NRG2: variants seen among roughly 807,000 people sequenced by gnomAD.
The protein encoded by NRG2 is pro-neuregulin-2, membrane-bound isoform.
Under a neutral mutation model 73.9 loss-of-function variants are expected in NRG2, and 27 were observed. The ratio of observed to expected loss-of-function variants is 0.37; its 90% confidence interval spans 0.27 to 0.50. The LOEUF (loss-of-function observed/expected upper bound fraction) is 0.50. NRG2 is among the 20% of genes least tolerant of loss of function. NRG2 has a pLI of 0.96. For synonymous variants in NRG2, 532 were observed against 541.0 expected (o/e 0.98, Z 0.23); for missense variants, 1,126 against 1,210.1 (o/e 0.93, Z 1.03).
chr5:139,852,847 T>C lies in NRG2; in HGVS notation c.1416+57A>G. On this transcript the variant is annotated intron_variant, in intron 7 of 9. Transcript: ENST00000361474. This position sits in a 1 kb window ranked among gnomAD's most constrained non-coding sequence, Gnocchi z 4.4. ...CCCTGGCCCATCCTTGCAGGGGGCA[T>C]GAGAAGGCTGGCTGTCCACTGAGGG... 2 of 1,606,788 alleles carry C rather than the reference T, an allele frequency of 1.2e-6. No homozygotes were observed. Among genetic ancestry groups the C allele is most frequent in the African/African-American group, 1.3e-5 (1 of 74,628 alleles).
rs753814626 is a variant in NRG2 at position 139,848,482 on chromosome 5, C to T, written c.1988G>A (p.Gly663Glu). ...PPGPGPGPGP[G>E]PGPGADMQRS... ...CTGCATGTCTGCGCCGGGCCCGGGC[C>T]CGGGCCCGGGTCCGGGTCCCGGGCC... The change falls in exon 10 of 10, where the codon GGG becomes GAG. Residue 663 changes from glycine (G) to glutamate (E), a missense_variant. This residue lies in a region of NRG2 where 402 missense variants were observed against 357.8 expected (regional missense o/e 1.12). Transcript: ENST00000361474. 1.9e-5 allele frequency: 26 copies of T among 1,340,398 alleles called. No individual in the cohort carries two copies. The highest frequency in any genetic ancestry group is 2.7e-4 in the Middle Eastern group (1 of 3,670). 83.0% of individuals were successfully genotyped at this position (1,340,398 alleles called of 1,614,324 possible).
At chr5:139,953,223 G>A (rs79857255) in intron 1 of NRG2, among the ~76,000 whole-genome samples, 8,779 of 152,202 alleles carry the variant, frequency 0.058, 343 homozygotes, top group Non-Finnish European at 0.086. Context: ...GCCCTGCAGA[G>A]AGAGCTACTG....
intron 5 of NRG2, among the ~76,000 whole-genome samples, chr5:139,864,756 G>GCACACA (rs111734532): frequency 1.3e-5 from 2 of 148,778 alleles, no homozygotes; most frequent in Non-Finnish European, 3.0e-5. Context: ...AAACACGTCG[G>GCACACA]CACACACACA....
chr5:139,944,974 G>C (rs1279816310), intron 1 of NRG2, among the ~76,000 whole-genome samples: 2 of 152,088 alleles, frequency 1.3e-5, no homozygotes, highest in African/African-American at 4.8e-5. Flanking sequence ...ACCTCATTGT[G>C]GTTTTGATTT....
intron 1 of NRG2, among the ~76,000 whole-genome samples, chr5:139,914,060 G>A (rs916678941): frequency 2.0e-5 from 3 of 152,192 alleles, no homozygotes; most frequent in Admixed American, 6.5e-5. Flanking sequence ...AGGCTGAGAG[G>A]TGGGAGAATT....
chr5:139,890,620 C>G (rs1764160062), intron 1 of NRG2, among the ~76,000 whole-genome samples: 1 of 152,148 alleles, frequency 6.6e-6, no homozygotes, highest in African/African-American at 2.4e-5. Flanking sequence ...CCTGCATCTG[C>G]TCTGGAGTCC....
At chr5:140,009,650 C>T (rs995860817) in intron 1 of NRG2, among the ~76,000 whole-genome samples, 3 of 152,150 alleles carry the variant, frequency 2.0e-5, no homozygotes, top group African/African-American at 7.2e-5. Flanking sequence ...ACATCCTTGC[C>T]AGCTTTTGGT....
intron 1 of NRG2, among the ~76,000 whole-genome samples, chr5:139,981,671 A>G (rs372305142): frequency 4.3e-4 from 66 of 152,364 alleles, no homozygotes; most frequent in African/African-American, 1.5e-3. Flanking sequence ...CTAGGGTTCC[A>G]TGGTTCCAGG....
chr5:139,890,185 A>G (rs1368702305), intron 1 of NRG2, among the ~76,000 whole-genome samples: 1 of 152,216 alleles, frequency 6.6e-6, no homozygotes, highest in African/African-American at 2.4e-5. Context: ...TAGGCAAAAG[A>G]TAACGTCTCT....
intron 3 of NRG2, among the ~76,000 whole-genome samples, chr5:139,872,247 G>A (rs1036460612): frequency 2.6e-5 from 4 of 152,238 alleles, no homozygotes; most frequent in African/African-American, 4.8e-5. Flanking sequence ...AAACGCAGGA[G>A]GCGGTGCAGG....
chr5:139,915,208 A>G lies in NRG2; in HGVS notation c.701-27697T>C, dbSNP rs1751158064. Reference sequence around the variant, plus strand: ...GGGGCTCTTGTTGTGCTGTAAAATCATTATCTGACAATCATAATTTTATTT... The same window carrying G: ...GGGGCTCTTGTTGTGCTGTAAAATCGTTATCTGACAATCATAATTTTATTT... On this transcript the variant is annotated intron_variant, in intron 1 of 9. Transcript: ENST00000361474. The surrounding 1 kb of genome is among the most constrained non-coding windows in gnomAD (Gnocchi z 4.0). Among the ~76,000 whole-genome samples the G allele has an allele frequency of 6.6e-6, 1 of 152,230 alleles. No homozygotes were observed. The highest frequency in any genetic ancestry group is 1.5e-5 in the Non-Finnish European group (1 of 68,042).
chr5:139,888,356 T>C (rs1333715541), intron 1 of NRG2, among the ~76,000 whole-genome samples: 2 of 152,156 alleles, frequency 1.3e-5, no homozygotes, highest in African/African-American at 2.4e-5. Context: ...TGAAGCCACA[T>C]AGCCAGGCAG....
At position 139,972,590 on chromosome 5, in the gene NRG2, G is replaced by A. The variant is rs192083768; in HGVS notation, c.700+69780C>T. The stretch of plus-strand genomic sequence containing the variant: ...AAATACAAAAATTAGCTGGGTATGT[G>A]GCGTACGCCTGTAATCCCAGCTACT... On this transcript the variant is annotated intron_variant, in intron 1 of 9. Coordinates refer to ENST00000361474, the MANE Select transcript of NRG2 (RefSeq NM_004883.3). 1.8e-3 allele frequency among the ~76,000 whole-genome samples: 278 copies of A among 152,250 alleles called. 1 individual carries two copies. The highest frequency in any genetic ancestry group is 6.4e-3 in the African/African-American group (267 of 41,528).
chr5:139,924,295 G>A (rs374759938), intron 1 of NRG2, among the ~76,000 whole-genome samples: 27 of 152,346 alleles, frequency 1.8e-4, no homozygotes, highest in Non-Finnish European at 2.8e-4. Context: ...TCAATTCAGC[G>A]TTGATAAGAA....
In NRG2 at chr5:139,846,933, C is replaced by T. The variant is rs1037265007; in HGVS notation, c.*984G>A. ...CCTTTTTGACAAATTAGCAGTGGACCCAGTTTTTGGGGGTGGGAGGGCAGG... is the reference window on the plus strand; with the variant it reads ...CCTTTTTGACAAATTAGCAGTGGACTCAGTTTTTGGGGGTGGGAGGGCAGG... On this transcript the variant is annotated 3_prime_UTR_variant, in exon 10 of 10. Coordinates refer to ENST00000361474, the MANE Select transcript of NRG2 (RefSeq NM_004883.3). 1.3e-5 allele frequency: 2 copies of T among 151,274 alleles called. No individual in the cohort carries two copies. Among genetic ancestry groups the T allele is most frequent in the African/African-American group, 4.9e-5 (2 of 41,062 alleles). 9.4% of individuals were successfully genotyped at this position (151,274 alleles called of 1,614,324 possible).
Position 139,894,257 on chromosome 5 carries a change from C to G in NRG2, c.701-6746G>C, listed in dbSNP as rs796782255. Among the ~76,000 whole-genome samples the G allele has an allele frequency of 6.6e-6, 1 of 152,144 alleles. No homozygotes were observed. The highest frequency in any genetic ancestry group is 2.1e-4 in the South Asian group (1 of 4,828). ...GGCTCTTAAAAGGGTTAATGATCCT[C>G]ACCTCATGACTAAGGCTGAGCAGTT... On this transcript the variant is annotated intron_variant, in intron 1 of 9. Coordinates refer to ENST00000361474, the MANE Select transcript of NRG2 (RefSeq NM_004883.3). This position sits in a 1 kb window ranked among gnomAD's most constrained non-coding sequence, Gnocchi z 5.0.
chr5:139,941,371 A>T (rs866351485), intron 1 of NRG2, among the ~76,000 whole-genome samples: 21 of 151,380 alleles, frequency 1.4e-4, no homozygotes, highest in Non-Finnish European at 2.7e-4. Flanking sequence ...GAATAATAGA[A>T]TTTTTGGGGG....
intron 1 of NRG2, among the ~76,000 whole-genome samples, chr5:140,007,415 T>C (rs1758996440): frequency 6.6e-6 from 1 of 151,878 alleles, no homozygotes; most frequent in Non-Finnish European, 1.5e-5. Flanking sequence ...AAGAAATTGC[T>C]CATTTCACTC....
rs1443328805 is a variant in NRG2 at position 139,915,589 on chromosome 5, C to G, written c.701-28078G>C. 1.3e-5 allele frequency among the ~76,000 whole-genome samples: 2 copies of G among 152,192 alleles called. No individual in the cohort carries two copies. Among genetic ancestry groups the G allele is most frequent in the Non-Finnish European group, 2.9e-5 (2 of 68,028 alleles). On this transcript the variant is annotated intron_variant, in intron 1 of 9. Coordinates refer to ENST00000361474, the MANE Select transcript of NRG2 (RefSeq NM_004883.3). The surrounding 1 kb of genome is among the most constrained non-coding windows in gnomAD (Gnocchi z 4.0). ...TTTTATTCCCAGTACTGCACTCTGA[C>G]CAGGTGTCAGGCTGCACTGCCTGAT...
Sources: allele counts gnomAD v4.1 joint callset (sites outside exome capture counted in the v4.1 genomes callset), GRCh38; gene constraint gnomAD v4.1.1; regional missense constraint gnomAD v4.1.1; non-coding constraint Gnocchi (gnomAD v3.1); transcripts MANE v1.5; gene names NCBI Gene and HGNC (gene_info 2026-07-23, HGNC 2026-07-21).